The following FIG4 variants were observed in gnomAD, a reference collection of about 807,000 sequenced individuals.
FIG4 encodes the protein FIG4 phosphoinositide 5-phosphatase, also known as polyphosphoinositide phosphatase.
In FIG4, 112 loss-of-function variants were observed where a neutral mutation model predicts 118.6. The ratio of observed to expected loss-of-function variants is 0.94; its 90% CI spans 0.81 to 1.11. The LOEUF (loss-of-function observed/expected upper bound fraction) is 1.11. Among genes scored for constraint, FIG4 ranks in the 50% least tolerant of loss-of-function variants. FIG4 has a pLI of 0.00. For synonymous variants in FIG4, 369 were observed against 381.2 expected, an observed-to-expected ratio of 0.97 and a Z score of 0.37; for missense variants, 969 against 1,111.7, an observed-to-expected ratio of 0.87 and a Z score of 1.83.
chr6:109,728,635 G>A (rs183234759), intron 4 of FIG4, among the ~76,000 whole-genome samples: 421 of 152,226 alleles, frequency 2.8e-3, no homozygotes, highest in African/African-American at 9.7e-3. Flanking sequence ...TTTTGATGAT[G>A]ATTTGGAAGG....
chr6:109,722,648 C>T (rs1020076151), intron 3 of FIG4, among the ~76,000 whole-genome samples: 3 of 152,024 alleles, frequency 2.0e-5, no homozygotes, highest in African/African-American at 4.8e-5. Flanking sequence ...TATGGCATCC[C>T]TCTTCATTCT....
chr6:109,815,593 C>T (rs1778841227), intron 22 of FIG4, among the ~76,000 whole-genome samples: 2 of 144,616 alleles, frequency 1.4e-5, no homozygotes, highest in Admixed American at 1.4e-4. Flanking sequence ...GCAGATTATA[C>T]CCATCTGAGG....
chr6:109,750,920 A>T (rs938416301), intron 10 of FIG4, among the ~76,000 whole-genome samples: 1 of 152,206 alleles, frequency 6.6e-6, no homozygotes, highest in African/African-American at 2.4e-5. Flanking sequence ...TTTCAGATAT[A>T]TAATTTAATT....
chr6:109,766,898 A>G lies in FIG4; in HGVS notation c.1750+3A>G, dbSNP rs758390500. On this transcript the variant is annotated splice_donor_region_variant and intron_variant, in intron 15 of 22. Coordinates refer to ENST00000230124, the MANE Select transcript of FIG4 (RefSeq NM_014845.6). ...ATATTACAGCAATGCTTTTTCAGGT[A>G]ATTCTGAAGTAATAGCTATTTTTAA... 6 of 1,612,740 alleles carry G rather than the reference A, an allele frequency of 3.7e-6. No individual in the cohort carries two copies. Among genetic ancestry groups the G allele is most frequent in the African/African-American group, 2.7e-5 (2 of 74,892 alleles).
At chr6:109,781,082 G>A (rs918796311) in intron 16 of FIG4, among the ~76,000 whole-genome samples, 7 of 152,178 alleles carry the variant, frequency 4.6e-5, no homozygotes, top group Admixed American at 1.3e-4. Flanking sequence ...TAGGGAGAGA[G>A]AGAGGTAATC....
At chr6:109,772,032 C>G (rs1777481737) in intron 15 of FIG4, among the ~76,000 whole-genome samples, 1 of 152,320 alleles carries the variant, frequency 6.6e-6, no homozygotes, top group East Asian at 1.9e-4. Context: ...ACTGTGTTCT[C>G]TCTACCTGCT....
chr6:109,722,379 T>A (rs756907146), intron 3 of FIG4, among the ~76,000 whole-genome samples: 4 of 152,158 alleles, frequency 2.6e-5, no homozygotes, highest in Non-Finnish European at 5.9e-5. Flanking sequence ...TCATTCATGT[T>A]AATGTATTCA....
intron 8 of FIG4, among the ~76,000 whole-genome samples, chr6:109,742,383 G>C (rs1425636962): frequency 6.6e-6 from 1 of 152,024 alleles, no homozygotes; most frequent in African/African-American, 2.4e-5. Flanking sequence ...GCCGTGTTCT[G>C]TCCTTTGAGT....
chr6:109,772,098 C>A (rs1388908394), intron 15 of FIG4, among the ~76,000 whole-genome samples: 1 of 152,192 alleles, frequency 6.6e-6, no homozygotes, highest in Non-Finnish European at 1.5e-5. Context: ...AGGTTACCAA[C>A]AATTCCCACA....
intron 22 of FIG4, among the ~76,000 whole-genome samples, chr6:109,806,141 AAC>A (rs756948829): frequency 7.9e-5 from 12 of 152,170 alleles, no homozygotes; most frequent in Non-Finnish European, 1.3e-4. Context: ...ACTTGTTTTA[AAC>A]AGTTTTAACT....
At chr6:109,779,726 C>G (rs1054207738) in intron 16 of FIG4, among the ~76,000 whole-genome samples, 5 of 152,260 alleles carry the variant, frequency 3.3e-5, no homozygotes, top group African/African-American at 1.2e-4. Context: ...TGTCACCCAC[C>G]TGTACAGGTT....
At chr6:109,746,544 G>T (rs1271533952) in intron 10 of FIG4, among the ~76,000 whole-genome samples, 1 of 152,040 alleles carries the variant, frequency 6.6e-6, no homozygotes, top group Non-Finnish European at 1.5e-5. Context: ...AAGAAAAGGG[G>T]GTTCCCTGTG....
Position 109,732,660 on chromosome 6 carries a change from TG to T in FIG4, c.472del (p.Asp158ThrfsTer32). The T allele has an allele frequency of 6.5e-7, 1 of 1,531,670 alleles. No individual in the cohort carries two copies. Among genetic ancestry groups the T allele is most frequent in the Non-Finnish European group, 9.0e-7 (1 of 1,113,632 alleles). The allele number at this position is 1,531,670 out of a possible 1,614,324, so 94.9% of individuals were successfully genotyped here. On this transcript the variant is annotated frameshift_variant, in exon 5 of 23. Coordinates refer to ENST00000230124, the MANE Select transcript of FIG4 (RefSeq NM_014845.6). LOFTEE classifies it high-confidence loss of function. ...AGGTATCTACGAATATTTCAAAATGTGGACCTATCTAGCAATTTTTACTTTA... is the reference window on the plus strand; with the variant it reads ...AGGTATCTACGAATATTTCAAAATGTGACCTATCTAGCAATTTTTACTTTA... ...EARYLRIFQN[V>X]DLSSNFYFSY...
intron 15 of FIG4, among the ~76,000 whole-genome samples, chr6:109,771,461 C>CTTTTTTTTT (rs71018367): frequency 1.3e-4 from 11 of 86,026 alleles, no homozygotes; most frequent in East Asian, 3.8e-4. Flanking sequence ...TCCTCTAATT[C>CTTTTTTTTT]TTTTTTTTTT....
intron 1 of FIG4, among the ~76,000 whole-genome samples, chr6:109,708,503 C>T (rs774398001): frequency 7.9e-5 from 12 of 152,152 alleles, no homozygotes; most frequent in Non-Finnish European, 1.3e-4. Context: ...ATTGCTGGGC[C>T]GAATGATATT....
intron 15 of FIG4, among the ~76,000 whole-genome samples, chr6:109,776,225 A>G (rs1335646600): frequency 6.6e-6 from 1 of 152,234 alleles, no homozygotes; most frequent in Non-Finnish European, 1.5e-5. Context: ...GAAGTAAAAC[A>G]TACACAGAGT....
chr6:109,769,928 G>A (rs1777408092), intron 15 of FIG4, among the ~76,000 whole-genome samples: 2 of 152,146 alleles, frequency 1.3e-5, no homozygotes, highest in African/African-American at 4.8e-5. Context: ...CAAAAAACAA[G>A]CAAACAAAAG....
At chr6:109,748,883 C>G (rs1776592965) in intron 10 of FIG4, among the ~76,000 whole-genome samples, 1 of 152,016 alleles carries the variant, frequency 6.6e-6, no homozygotes, top group Non-Finnish European at 1.5e-5. Flanking sequence ...CAATTATCTC[C>G]CACCAGATCC....
At chr6:109,818,670 G>T (rs913110195) in intron 22 of FIG4, among the ~76,000 whole-genome samples, 3 of 152,064 alleles carry the variant, frequency 2.0e-5, no homozygotes, top group African/African-American at 7.2e-5. Context: ...GCGTCCATTG[G>T]GGGTCTTGGA....
Sources: allele counts gnomAD v4.1 joint callset (sites outside exome capture counted in the v4.1 genomes callset), GRCh38; gene constraint gnomAD v4.1.1; transcripts MANE v1.5; gene names NCBI Gene and HGNC (gene_info 2026-07-23, HGNC 2026-07-21).